The following ANKDD1B variants were observed in gnomAD, a reference collection of about 807,000 sequenced individuals.
ANKDD1B encodes ankyrin repeat and death domain containing 1B.
Under a neutral mutation model 59.7 loss-of-function variants are expected in ANKDD1B, and 57 were observed. That is an observed-to-expected ratio of 0.95 (90% CI 0.77 to 1.19). The LOEUF (loss-of-function observed/expected upper bound fraction) is 1.19, where lower values mean the gene tolerates loss of function less well. ANKDD1B is among the 50% of genes most tolerant of loss of function. The probability of loss-of-function intolerance (pLI) is 0.00; values close to 1 mark genes in which losing one functional copy is unlikely to be tolerated. For missense variants in ANKDD1B, 602 were observed against 641.9 expected (o/e 0.94, Z 0.67); for synonymous variants, 216 against 239.5 (o/e 0.90, Z 0.91).
intron 7 of ANKDD1B, among the ~76,000 whole-genome samples, chr5:75,639,582 G>A (rs1344594351): frequency 5.3e-5 from 8 of 152,166 alleles, no homozygotes; most frequent in Admixed American, 3.9e-4. Context: ...GTTGGAATGG[G>A]AACACTGGTT....
intron 7 of ANKDD1B, among the ~76,000 whole-genome samples, chr5:75,638,834 T>G (rs16872683): frequency 0.13 from 19,613 of 152,144 alleles, 3,354 homozygotes; most frequent in African/African-American, 0.39. Flanking sequence ...AGTTTCCTTT[T>G]TGTTCCTCTG....
chr5:75,658,206 A>C (rs1245316858), intron 9 of ANKDD1B, among the ~76,000 whole-genome samples: 1 of 152,102 alleles, frequency 6.6e-6, no homozygotes, highest in African/African-American at 2.4e-5. Flanking sequence ...CTAAGAAAAA[A>C]ATTAAAATAT....
chr5:75,613,895 G>T (rs1273949601), intron 1 of ANKDD1B, among the ~76,000 whole-genome samples: 1 of 152,210 alleles, frequency 6.6e-6, no homozygotes, highest in Non-Finnish European at 1.5e-5. Flanking sequence ...GGGAGGCCAG[G>T]TGAGAGGATC....
intron 7 of ANKDD1B, among the ~76,000 whole-genome samples, chr5:75,639,060 G>A (rs1172146693): frequency 6.6e-6 from 1 of 152,140 alleles, no homozygotes; most frequent in Non-Finnish European, 1.5e-5. Context: ...CAGGCTCTGG[G>A]TATATTAAAG....
Position 75,671,246 on chromosome 5 carries a change from A to G in ANKDD1B, c.*206A>G, listed in dbSNP as rs934619490. Reference sequence around the variant, plus strand: ...GTTTTTTTTGCTGAGGGCAAGTTGTATGTGATTTTCCCATTTCTATCAATC... The same window carrying G: ...GTTTTTTTTGCTGAGGGCAAGTTGTGTGTGATTTTCCCATTTCTATCAATC... On this transcript the variant is annotated 3_prime_UTR_variant, in exon 14 of 14. Coordinates refer to ENST00000601380, the MANE Select transcript of ANKDD1B (RefSeq NM_001276713.2). 3 of 351,138 alleles carry G rather than the reference A, an allele frequency of 8.5e-6. No homozygotes were observed. The highest frequency in any genetic ancestry group is 4.2e-5 in the African/African-American group (2 of 47,496). The allele number at this position is 351,138 out of a possible 1,614,324, so 21.8% of individuals were successfully genotyped here.
chr5:75,613,008 C>A (rs1199030958), intron 1 of ANKDD1B, among the ~76,000 whole-genome samples: 4 of 152,140 alleles, frequency 2.6e-5, no homozygotes, highest in Non-Finnish European at 5.9e-5. Flanking sequence ...TAGAGAAGAA[C>A]ATGTTACATG....
chr5:75,640,831 TTGGTA>T, intron 7 of ANKDD1B, among the ~76,000 whole-genome samples: 1 of 152,224 alleles, frequency 6.6e-6, no homozygotes, highest in Non-Finnish European at 1.5e-5. Context: ...TGCTTTGTTT[TTGGTA>T]AGAATTAATG....
At chr5:75,663,623 T>G in intron 11 of ANKDD1B, 134 bp downstream of exon 11, 5 of 719,990 alleles carry the variant, frequency 6.9e-6, no homozygotes, top group South Asian at 6.9e-5. Context: ...TAACTGTCCC[T>G]TCTGTCTTGT....
At position 75,666,956 on chromosome 5, in the gene ANKDD1B, A is replaced by G; in HGVS notation, c.1356A>G (p.Thr452=). ...WQRLARSWNF[T]DDQIRAIEEQ... ...GGCTGGCCCGTTCGTGGAACTTTAC[A>G]GATGACCAGATTAGAGCCATTGAGG... Residue 452 remains threonine, a synonymous_variant, in exon 12 of 14, where the codon ACA becomes ACG. Transcript: ENST00000601380. 1 of 1,506,474 alleles carries G rather than the reference A, an allele frequency of 6.6e-7. No individual in the cohort carries two copies. Among genetic ancestry groups the G allele is most frequent in the Non-Finnish European group, 8.8e-7 (1 of 1,133,854 alleles). 93.3% of individuals were successfully genotyped at this position (1,506,474 alleles called of 1,614,324 possible). A position where few individuals can be genotyped will look rare whatever the true frequency, so the allele number is the denominator to read the frequency against.
chr5:75,613,172 CTG>C (rs1266981410), intron 1 of ANKDD1B, among the ~76,000 whole-genome samples: 3 of 152,224 alleles, frequency 2.0e-5, no homozygotes, highest in Admixed American at 1.3e-4. Flanking sequence ...TGAGACAAGA[CTG>C]TGAGATGAAG....
chr5:75,668,193 T>C (rs759926725), intron 12 of ANKDD1B, among the ~76,000 whole-genome samples: 2 of 152,144 alleles, frequency 1.3e-5, no homozygotes, highest in Admixed American at 1.3e-4. Flanking sequence ...GGAACCTTTA[T>C]GGAGGGCCTG....
chr5:75,611,781 G>A lies in ANKDD1B; in HGVS notation c.147G>A (p.Arg49=). ...PWRSLSRIPK[R]EGLGEEDTAV... is the part of the protein sequence containing the mutation. ...GGAGCCTGTCCCGGATCCCGAAGCG[G>A]GAGGGTCTTGGAGAGGAGGACACAG... is the stretch of plus-strand genomic sequence containing the variant. The change falls in exon 1 of 14, where the codon CGG becomes CGA. Residue 49 remains arginine, a synonymous_variant. Coordinates refer to ENST00000601380, the MANE Select transcript of ANKDD1B (RefSeq NM_001276713.2). 3.2e-6 allele frequency: 4 copies of A among 1,231,954 alleles called. No homozygotes were observed. The highest frequency in any genetic ancestry group is 4.0e-6 in the Non-Finnish European group (4 of 988,036). The allele number at this position is 1,231,954 out of a possible 1,614,324, so 76.3% of individuals were successfully genotyped here. A position where few individuals can be genotyped will look rare whatever the true frequency, so the allele number is the denominator to read the frequency against.
At chr5:75,621,631 G>A (rs966427737) in intron 3 of ANKDD1B, among the ~76,000 whole-genome samples, 6 of 152,090 alleles carry the variant, frequency 3.9e-5, no homozygotes, top group East Asian at 1.9e-4. Context: ...CCAAAGTAGC[G>A]GGAATCATAC....
intron 3 of ANKDD1B, 119 bp downstream of exon 3, chr5:75,620,532 G>A (rs562596923): frequency 1.7e-5 from 10 of 604,812 alleles, no homozygotes; most frequent in East Asian, 1.4e-4. Context: ...GGCAGTGTTC[G>A]TTTTGGAAAG....
At chr5:75,618,268 G>T (rs2878520) in intron 2 of ANKDD1B, among the ~76,000 whole-genome samples, 1 of 152,050 alleles carries the variant, frequency 6.6e-6, no homozygotes, top group Non-Finnish European at 1.5e-5. Context: ...TATTATGACC[G>T]TGGAAGGTTA....
At chr5:75,636,005 TGAAA>T in intron 7 of ANKDD1B, 123 bp downstream of exon 7, 1 of 551,960 alleles carries the variant, frequency 1.8e-6, no homozygotes. Flanking sequence ...AATGTGATGC[TGAAA>T]GATTCTTACT....
chr5:75,647,771 T>C (rs1774677183), intron 7 of ANKDD1B, among the ~76,000 whole-genome samples: 1 of 134,646 alleles, frequency 7.4e-6, no homozygotes. Context: ...CAAATGACTA[T>C]AAATCATGCT....
At chr5:75,634,344 C>T (rs1329581910) in intron 5 of ANKDD1B, among the ~76,000 whole-genome samples, 1 of 152,122 alleles carries the variant, frequency 6.6e-6, no homozygotes, top group Non-Finnish European at 1.5e-5. Context: ...TTGTATTGAC[C>T]TATTCTCAAG....
intron 3 of ANKDD1B, among the ~76,000 whole-genome samples, chr5:75,620,785 T>G (rs1202577065): frequency 6.6e-6 from 1 of 152,082 alleles, no homozygotes; most frequent in African/African-American, 2.4e-5. Context: ...AATAAATAGG[T>G]GTATTAAACA....
Sources: allele counts gnomAD v4.1 joint callset (sites outside exome capture counted in the v4.1 genomes callset), GRCh38; gene constraint gnomAD v4.1.1; transcripts MANE v1.5; gene names NCBI Gene and HGNC (gene_info 2026-07-23, HGNC 2026-07-21).